The following PGPEP1 variants were observed in gnomAD, a reference collection of about 807,000 sequenced individuals.
PGPEP1 encodes pyroglutamyl-peptidase I, also known as pyroglutamyl-peptidase 1.
PGPEP1 carries 15 observed loss-of-function variants against 24.1 expected under a neutral mutation model. The ratio of observed to expected loss-of-function variants is 0.62; its 90% CI spans 0.42 to 0.96. PGPEP1 has a LOEUF of 0.96. PGPEP1 is among the 40% of genes least tolerant of loss of function. The probability of loss-of-function intolerance (pLI) is 0.00; values close to 1 mark genes in which losing one functional copy is unlikely to be tolerated. For missense variants in PGPEP1, 242 were observed against 273.4 expected (o/e 0.89, Z 0.81); for synonymous variants, 122 against 116.4 (o/e 1.05, Z -0.31).
At position 18,349,432 on chromosome 19, in the gene PGPEP1, A is replaced by T. The variant is rs970876987; in HGVS notation, c.88-6463A>T. ...TGCCTCAGCCTCCCAAATCGCTGGGATTACAGGTGTGAGCCACCCACCCCT... is the reference window on the plus strand; with the variant it reads ...TGCCTCAGCCTCCCAAATCGCTGGGTTTACAGGTGTGAGCCACCCACCCCT... On this transcript the variant is annotated intron_variant, in intron 2 of 4. Coordinates refer to ENST00000269919, the MANE Select transcript of PGPEP1 (RefSeq NM_017712.4). 1.2e-4 allele frequency among the ~76,000 whole-genome samples: 18 copies of T among 152,068 alleles called. 1 individual carries two copies. The highest frequency in any genetic ancestry group is 4.4e-5 in the Non-Finnish European group (3 of 68,014).
At position 18,356,810 on chromosome 19, in the gene PGPEP1, G is replaced by A. The variant is rs764176773; in HGVS notation, c.205-573G>A. Among the ~76,000 whole-genome samples, 223 of 151,502 alleles carry A rather than the reference G, an allele frequency of 1.5e-3. 1 individual carries two copies. The highest frequency in any genetic ancestry group is 1.1e-3 in the Non-Finnish European group (75 of 67,902). On this transcript the variant is annotated intron_variant, in intron 3 of 4. Coordinates refer to ENST00000269919, the MANE Select transcript of PGPEP1 (RefSeq NM_017712.4). ...TCTGAGCACTTTGGGATGCTGAGGC[G>A]GGTGGATCACCGGAGGTCAGGAGTT... is the stretch of plus-strand genomic sequence containing the variant.
chr19:18,342,751 C>T (rs571943231), intron 1 of PGPEP1, 108 bp from the exon 2 acceptor site: 136 of 833,350 alleles, frequency 1.6e-4, no homozygotes, highest in Admixed American at 1.6e-3. Context: ...TTGGCAGCTG[C>T]GCCCTGAAGC....
intron 4 of PGPEP1, chr19:18,361,674 C>T (rs2144579138): frequency 1.1e-6 from 1 of 949,644 alleles, no homozygotes. Context: ...TTCTCATTCC[C>T]TCTCTTTTTC....
At position 18,363,882 on chromosome 19, in the gene PGPEP1, A is replaced by G. The variant is rs150277416; in HGVS notation, c.*299A>G. 1.1e-3 allele frequency: 336 copies of G among 301,236 alleles called. 1 individual carries two copies. Among genetic ancestry groups the G allele is most frequent in the African/African-American group, 5.3e-3 (251 of 47,358 alleles). 18.7% of individuals were successfully genotyped at this position (301,236 alleles called of 1,614,324 possible). A position where few individuals can be genotyped will look rare whatever the true frequency, so the allele number is the denominator to read the frequency against. ...GCCCAGGGAGAATCTTGGTCTGGTG[A>G]ATCCATGAGCTGCGATACCACGGCT... is the stretch of plus-strand genomic sequence containing the variant. On this transcript the variant is annotated 3_prime_UTR_variant, in exon 5 of 5. Transcript: ENST00000269919.
intron 2 of PGPEP1, among the ~76,000 whole-genome samples, chr19:18,346,225 C>T (rs1423110966): frequency 6.6e-6 from 1 of 152,110 alleles, no homozygotes; most frequent in Non-Finnish European, 1.5e-5. Flanking sequence ...CTGCGAGAAC[C>T]GCCCCTGGAG....
At chr19:18,356,116 A>T (rs1469023939) in intron 3 of PGPEP1, 105 bp downstream of exon 3, 7 of 725,074 alleles carry the variant, frequency 9.7e-6, no homozygotes, top group Non-Finnish European at 1.8e-5. Context: ...CACGTGACCA[A>T]TGCCATACAG....
At chr19:18,361,437 C>A (rs1422946633) in intron 4 of PGPEP1, among the ~76,000 whole-genome samples, 2 of 151,906 alleles carry the variant, frequency 1.3e-5, no homozygotes, top group African/African-American at 4.8e-5. Flanking sequence ...CCGCGCCCGG[C>A]CACCCAGCCC....
At chr19:18,357,114 G>C (rs1234308121) in intron 3 of PGPEP1, among the ~76,000 whole-genome samples, 2 of 152,232 alleles carry the variant, frequency 1.3e-5, no homozygotes, top group African/African-American at 2.4e-5. Flanking sequence ...TAACTCCGCT[G>C]GATGGCTAGT....
chr19:18,369,633 G>A lies in PGPEP1; in HGVS notation c.*6050G>A, dbSNP rs1470209191. On this transcript the variant is annotated 3_prime_UTR_variant, in exon 5 of 5. Coordinates refer to ENST00000269919, the MANE Select transcript of PGPEP1 (RefSeq NM_017712.4). ...GCCGAGTTCACTCTCTGCCTGCCCA[G>A]GGGAGCACCGGCTTGGTTCTGGGGG... The A allele has an allele frequency of 6.6e-6, 1 of 152,210 alleles. No individual in the cohort carries two copies. Among genetic ancestry groups the A allele is most frequent in the East Asian group, 1.9e-4 (1 of 5,196 alleles). The allele number at this position is 152,210 out of a possible 1,614,324, so 9.4% of individuals were successfully genotyped here.
At chr19:18,344,026 C>T (rs1970758606) in intron 2 of PGPEP1, among the ~76,000 whole-genome samples, 1 of 152,062 alleles carries the variant, frequency 6.6e-6, no homozygotes, top group African/African-American at 2.4e-5. Flanking sequence ...TTGACTCAGA[C>T]AAATCGTGAC....
At position 18,364,082 on chromosome 19, in the gene PGPEP1, G is replaced by GGCTTGCTT. The variant is rs1491116277; in HGVS notation, c.*503_*504insGCTTGCTT. Reference sequence around the variant, plus strand: ...CACCCTGGGATATGGCTGGCTGGCTGGCTTTCTTTCTTTCTTTCTTTCTTT... The same window carrying GGCTTGCTT: ...CACCCTGGGATATGGCTGGCTGGCTGGCTTGCTTGCTTTCTTTCTTTCTTTCTTTCTTT... On this transcript the variant is annotated 3_prime_UTR_variant, in exon 5 of 5. Transcript: ENST00000269919. 4 of 111,422 alleles carry GGCTTGCTT rather than the reference G, an allele frequency of 3.6e-5. 1 individual carries two copies. The highest frequency in any genetic ancestry group is 1.9e-4 in the African/African-American group (4 of 21,344). The allele number at this position is 111,422 out of a possible 1,614,324, so 6.9% of individuals were successfully genotyped here.
chr19:18,355,916 G>A lies in PGPEP1; in HGVS notation c.109G>A (p.Gly37Ser). The A allele has an allele frequency of 6.2e-7, 1 of 1,612,780 alleles. No individual in the cohort carries two copies. Among genetic ancestry groups the A allele is most frequent in the Non-Finnish European group, 8.5e-7 (1 of 1,178,926 alleles). ...CCAGGAGCTAGAAAAGCTAGGCCTTGGCGACAGCGTGGACCTGCATGTGTA... is the reference window on the plus strand; with the variant it reads ...CCAGGAGCTAGAAAAGCTAGGCCTTAGCGACAGCGTGGACCTGCATGTGTA... ...AVQELEKLGL[G>S]DSVDLHVYEI... The change falls in exon 3 of 5, where the codon GGC becomes AGC. Residue 37 changes from glycine (G) to serine (S), a missense_variant. Coordinates refer to ENST00000269919, the MANE Select transcript of PGPEP1 (RefSeq NM_017712.4).
chr19:18,345,479 G>C (rs528067069), intron 2 of PGPEP1, among the ~76,000 whole-genome samples: 9 of 151,524 alleles, frequency 5.9e-5, no homozygotes, highest in Non-Finnish European at 1.0e-4. Flanking sequence ...GATGGCTCAC[G>C]CTTGTAATCC....
chr19:18,360,860 T>C (rs1600223363), intron 4 of PGPEP1, among the ~76,000 whole-genome samples: 4 of 151,764 alleles, frequency 2.6e-5, no homozygotes, highest in Non-Finnish European at 5.9e-5. Context: ...TGAGACTGCG[T>C]CTAGCTTTGT....
intron 2 of PGPEP1, among the ~76,000 whole-genome samples, chr19:18,351,488 G>C (rs1200369112): frequency 6.6e-6 from 1 of 151,208 alleles, no homozygotes; most frequent in Non-Finnish European, 1.5e-5. Flanking sequence ...GCCAGGCGTA[G>C]TGGTGCATGC....
intron 2 of PGPEP1, among the ~76,000 whole-genome samples, chr19:18,350,866 A>C (rs1970999648): frequency 6.6e-6 from 1 of 152,060 alleles, no homozygotes; most frequent in South Asian, 2.1e-4. Context: ...TCAAGGCTGC[A>C]GCGAGCGCTG....
At chr19:18,357,780 G>A in intron 4 of PGPEP1, 165 bp downstream of exon 4, 1 of 617,590 alleles carries the variant, frequency 1.6e-6, no homozygotes, top group Non-Finnish European at 2.9e-6. Flanking sequence ...CGTTGGTTCT[G>A]CTCCTGGGAC....
In PGPEP1 at chr19:18,347,745, C is replaced by T. The variant is rs575857953; in HGVS notation, c.87+4834C>T. On this transcript the variant is annotated intron_variant, in intron 2 of 4. Coordinates refer to ENST00000269919, the MANE Select transcript of PGPEP1 (RefSeq NM_017712.4). ...GCCTCCCGAGTTCAAGTGATTCTCC[C>T]GTCTCAGCCTCCCAAGTAGCTGGGA... is the stretch of plus-strand genomic sequence containing the variant. Among the ~76,000 whole-genome samples the T allele has an allele frequency of 3.3e-5, 5 of 151,750 alleles. No homozygotes were observed. The South Asian group carries it at 1.0e-3, about 32-fold the overall frequency.
chr19:18,347,032 CTTTCTCTCTCCG>C (rs1390523178), intron 2 of PGPEP1, among the ~76,000 whole-genome samples: 2 of 151,440 alleles, frequency 1.3e-5, no homozygotes, highest in Non-Finnish European at 2.9e-5. Context: ...CTCGTCCCTT[CTTTCTCTCTCCG>C]TTTCTCTCTT....
Sources: allele counts gnomAD v4.1 joint callset (sites outside exome capture counted in the v4.1 genomes callset), GRCh38; gene constraint gnomAD v4.1.1; transcripts MANE v1.5; gene names NCBI Gene and HGNC (gene_info 2026-07-23, HGNC 2026-07-21).